TPM3: variants seen among roughly 807,000 people sequenced by gnomAD.
TPM3 encodes tropomyosin alpha-3 chain.
A neutral mutation model predicts 43.1 loss-of-function variants in TPM3; 16 were observed. The ratio of observed to expected loss-of-function variants is 0.37; its 90% CI spans 0.25 to 0.56. The LOEUF is 0.56. Among genes scored for constraint, TPM3 ranks in the 20% least tolerant of loss-of-function variants. The pLI is 0.77. For missense variants in TPM3, 176 were observed against 337.2 expected, an observed-to-expected ratio of 0.52 and a Z score of 3.74; for synonymous variants, 101 against 116.9, an observed-to-expected ratio of 0.86 and a Z score of 0.88.
Position 154,166,798 on chromosome 1 carries a change from C to T in TPM3, c.*1139G>A. 1.6e-6 allele frequency: 1 copy of T among 626,360 alleles called. No homozygotes were observed. The highest frequency in any genetic ancestry group is 2.0e-6 in the Non-Finnish European group (1 of 502,372). The allele number at this position is 626,360 out of a possible 1,614,324, so 38.8% of individuals were successfully genotyped here. On this transcript the variant is annotated 3_prime_UTR_variant, in exon 10 of 10. Transcript: ENST00000651641. Reference sequence around the variant, plus strand: ...CCAGGTGCAAGCGATTCTCCTGCCTCAGCCTCCCGAGTAGCTGGGATTACA... The same window carrying T: ...CCAGGTGCAAGCGATTCTCCTGCCTTAGCCTCCCGAGTAGCTGGGATTACA...
At chr1:154,157,818 A>G (rs1031598789), downstream of TPM3, 7 of 769,212 alleles carry the variant, frequency 9.1e-6, no homozygotes, top group Non-Finnish European at 1.7e-5. Flanking sequence ...GAAGCTGCAG[A>G]CTGATAAAGC....
chr1:154,181,781 C>G (rs1465901520), intron 2 of TPM3, among the ~76,000 whole-genome samples: 1 of 152,052 alleles, frequency 6.6e-6, no homozygotes, highest in Non-Finnish European at 1.5e-5. Context: ...ATTAGCCAGA[C>G]TTGGTGGCGG....
chr1:154,191,160 C>A, intron 2 of TPM3, 26 bp downstream of exon 2: 1 of 1,612,494 alleles, frequency 6.2e-7, no homozygotes, highest in Non-Finnish European at 8.5e-7. Flanking sequence ...TAGATTAAAC[C>A]CATCCTCCAT....
chr1:154,157,331 A>G, downstream of TPM3: 1 of 482,408 alleles, frequency 2.1e-6, no homozygotes, highest in Non-Finnish European at 3.8e-6. Flanking sequence ...TGGTTGCTAC[A>G]AAACAACAAA....
chr1:154,189,820 A>G (rs1319385944), intron 2 of TPM3, among the ~76,000 whole-genome samples: 1 of 150,620 alleles, frequency 6.6e-6, no homozygotes, highest in Non-Finnish European at 1.5e-5. Context: ...AAAAAAAAAA[A>G]GGAAAAGAAA....
At position 154,167,884 on chromosome 1, in the gene TPM3, GT is replaced by G. The variant is rs1661148321; in HGVS notation, c.*52del. On this transcript the variant is annotated 3_prime_UTR_variant, in exon 10 of 10. Transcript: ENST00000651641. ...ATCCAGAGCGAGAGTGGGGCCTTGG[GT>G]TCCCCGAGGAGTAAAGGGGGCAGAT... 260 of 1,613,848 alleles carry G rather than the reference GT, an allele frequency of 1.6e-4. No individual in the cohort carries two copies. In the South Asian group the frequency reaches 2.7e-3, roughly 17 times the overall value.
chr1:154,176,339 G>T, intron 2 of TPM3, 91 bp from the exon 3 acceptor site: 1 of 1,586,960 alleles, frequency 6.3e-7, no homozygotes, highest in East Asian at 2.2e-5. Flanking sequence ...TGACTACCAT[G>T]AAAAAGCCAG....
chr1:154,172,958 G>T lies in TPM3; in HGVS notation c.516C>A (p.Ile172=). ...KYEEVARKLV[I]IEGDLERTEE... ...CTGTGCGTTCCAAGTCTCCTTCAAT[G>T]ATCACCAACTTACGAGCCACCTACA... Residue 172 remains isoleucine (I), a synonymous_variant, in exon 5 of 10, where the codon ATC becomes ATA. Transcript: ENST00000651641. The T allele has an allele frequency of 1.2e-6, 2 of 1,614,144 alleles. No homozygotes were observed. The highest frequency in any genetic ancestry group is 1.7e-6 in the Non-Finnish European group (2 of 1,180,038).
chr1:154,167,911 C>G lies in TPM3; in HGVS notation c.*26G>C, dbSNP rs1480678236. The G allele has an allele frequency of 6.2e-7, 1 of 1,613,858 alleles. No homozygotes were observed. The highest frequency in any genetic ancestry group is 8.5e-7 in the Non-Finnish European group (1 of 1,179,962). On this transcript the variant is annotated 3_prime_UTR_variant, in exon 10 of 10. Coordinates refer to ENST00000651641, the MANE Select transcript of TPM3 (RefSeq NM_152263.4). ...TCCCCGAGGAGTAAAGGGGGCAGAT[C>G]CAGAACAGAGCAGAAACGGTGATAA... is the stretch of plus-strand genomic sequence containing the variant.
intron 2 of TPM3, among the ~76,000 whole-genome samples, chr1:154,190,269 C>T (rs1663624427): frequency 6.6e-6 from 1 of 152,206 alleles, no homozygotes; most frequent in South Asian, 2.1e-4. Flanking sequence ...ATTACATGCT[C>T]CTTTTTTCCT....
chr1:154,188,607 G>A (rs1435320523), intron 2 of TPM3, among the ~76,000 whole-genome samples: 2 of 149,264 alleles, frequency 1.3e-5, no homozygotes, highest in South Asian at 2.1e-4. Context: ...CCCAAGAGGC[G>A]GAGCTTGCAG....
In TPM3 at chr1:154,167,908, G is replaced by T. The variant is rs1661154090; in HGVS notation, c.*29C>A. On this transcript the variant is annotated 3_prime_UTR_variant, in exon 10 of 10. Coordinates refer to ENST00000651641, the MANE Select transcript of TPM3 (RefSeq NM_152263.4). The stretch of plus-strand genomic sequence containing the variant: ...GGTTCCCCGAGGAGTAAAGGGGGCA[G>T]ATCCAGAACAGAGCAGAAACGGTGA... The T allele has an allele frequency of 1.9e-6, 3 of 1,613,928 alleles. No homozygotes were observed. Among genetic ancestry groups the T allele is most frequent in the South Asian group, 2.2e-5 (2 of 91,084 alleles).
chr1:154,179,794 G>A (rs1344493449), intron 2 of TPM3, among the ~76,000 whole-genome samples: 2 of 151,972 alleles, frequency 1.3e-5, no homozygotes, highest in African/African-American at 4.8e-5. Flanking sequence ...CAGATCCACA[G>A]GTGGACCTCA....
At chr1:154,169,553 C>G (rs1228112036) in intron 8 of TPM3, 170 bp from the exon 9 acceptor site, 1 of 681,192 alleles carries the variant, frequency 1.5e-6, no homozygotes, top group Non-Finnish European at 2.6e-6. Flanking sequence ...TTCAGATCTA[C>G]TCTCTCCTAT....
chr1:154,171,319 G>A (rs1002952552), intron 6 of TPM3, 94 bp downstream of exon 6: 3 of 1,337,476 alleles, frequency 2.2e-6, no homozygotes, highest in South Asian at 2.3e-5. Context: ...ACGCCTCACT[G>A]GATTATATAT....
At chr1:154,158,258 C>T (rs1004636676), downstream of TPM3, among the ~76,000 whole-genome samples, 6 of 152,114 alleles carry the variant, frequency 3.9e-5, no homozygotes, top group Non-Finnish European at 5.9e-5. Flanking sequence ...AAAACAAAGC[C>T]AAGAATACTA....
Position 154,186,977 on chromosome 1 carries a change from TG to T in TPM3, c.243+4208del, listed in dbSNP as rs1056188541. Among the ~76,000 whole-genome samples, 7 of 151,886 alleles carry T rather than the reference TG, an allele frequency of 4.6e-5. 1 individual carries two copies. The highest frequency in any genetic ancestry group is 1.5e-4 in the African/African-American group (6 of 41,118). On this transcript the variant is annotated intron_variant, in intron 2 of 9. Coordinates refer to ENST00000651641, the MANE Select transcript of TPM3 (RefSeq NM_152263.4). ...ATATCTACTTCAAGATAATATGCTC[TG>T]TTTACTTATTTATTAACCTCAAGGA...
intron 3 of TPM3, among the ~76,000 whole-genome samples, chr1:154,174,415 A>ACACACAC (rs1173721409): frequency 1.5e-4 from 8 of 54,924 alleles, no homozygotes; most frequent in African/African-American, 4.5e-4. Flanking sequence ...TATACACACA[A>ACACACAC]AAATCCCATC....
intron 9 of TPM3, among the ~76,000 whole-genome samples, chr1:154,168,881 G>A (rs1389550217): frequency 6.6e-6 from 1 of 150,876 alleles, no homozygotes; most frequent in Non-Finnish European, 1.5e-5. Flanking sequence ...TGTTGCCCAG[G>A]CTGAAATGCA....
Sources: allele counts gnomAD v4.1 joint callset (sites outside exome capture counted in the v4.1 genomes callset), GRCh38; gene constraint gnomAD v4.1.1; transcripts MANE v1.5; gene names NCBI Gene and HGNC (gene_info 2026-07-23, HGNC 2026-07-21).